RNF38: variants seen among roughly 807,000 people sequenced by gnomAD.
The protein encoded by RNF38 is E3 ubiquitin-protein ligase RNF38.
A neutral mutation model predicts 67.2 loss-of-function variants in RNF38; 15 were observed. The observed-to-expected ratio is 0.22, with a 90% CI of 0.15 to 0.34. The LOEUF is 0.34. Ranked by LOEUF, RNF38 falls within the 10% of genes least tolerant of loss-of-function variation. RNF38 has a pLI of 1.00. For missense variants in RNF38, 524 were observed against 639.9 expected (o/e 0.82, Z 1.95); for synonymous variants, 220 against 218.8 (o/e 1.01, Z -0.05).
chr9:36,416,746 T>TTTTTTTG, intron 2 of RNF38, among the ~76,000 whole-genome samples: 1 of 117,244 alleles, frequency 8.5e-6, no homozygotes, highest in African/African-American at 3.7e-5. Flanking sequence ...CTCGATATTT[T>TTTTTTTG]TTTTTTTTTT....
Position 36,376,004 on chromosome 9 carries a change from G to T in RNF38, c.286C>A (p.Pro96Thr). The change falls in exon 3 of 12, where the codon CCT (proline) becomes ACT (threonine). Residue 96 changes from proline to threonine, a missense_variant. Coordinates refer to ENST00000259605, the MANE Select transcript of RNF38 (RefSeq NM_022781.5). Reference protein sequence around the residue: ...PWEMTSNRQPPSVRPSQHHFS... With the variant: ...PWEMTSNRQPTSVRPSQHHFS... Reference sequence around the variant, plus strand: ...TGATGTTGGCTTGGTCGAACTGAAGGGGGCTGCCTATTTGATGTCATCTCC... The same window carrying T: ...TGATGTTGGCTTGGTCGAACTGAAGTGGGCTGCCTATTTGATGTCATCTCC... 4 of 1,613,340 alleles carry T rather than the reference G, an allele frequency of 2.5e-6. No individual in the cohort carries two copies. Among genetic ancestry groups the T allele is most frequent in the Non-Finnish European group, 3.4e-6 (4 of 1,179,736 alleles).
At chr9:36,342,475 T>G in intron 10 of RNF38, 51 bp from the exon 11 acceptor site, 1 of 1,116,374 alleles carries the variant, frequency 9.0e-7, no homozygotes, top group Non-Finnish European at 1.4e-6. Context: ...GGTTTTCTAT[T>G]GTTATGACTA....
At chr9:36,438,888 C>A (rs1389267408) in intron 1 of RNF38, among the ~76,000 whole-genome samples, 2 of 152,232 alleles carry the variant, frequency 1.3e-5, no homozygotes, top group African/African-American at 4.8e-5. Context: ...TATTTTACAA[C>A]ATGGACATGA....
intron 1 of RNF38, among the ~76,000 whole-genome samples, chr9:36,427,695 CTATCTAT>C (rs1255784546): frequency 8.9e-5 from 13 of 146,424 alleles, no homozygotes; most frequent in South Asian, 2.1e-4. Flanking sequence ...ATCTATCTAT[CTATCTAT>C]CTACCTACCT....
intron 1 of RNF38, among the ~76,000 whole-genome samples, chr9:36,450,928 T>A (rs1389492316): frequency 6.6e-6 from 1 of 152,030 alleles, no homozygotes; most frequent in Non-Finnish European, 1.5e-5. Flanking sequence ...ATCACAAAAG[T>A]GAGATAACCA....
chr9:36,339,489 A>T lies in RNF38; in HGVS notation c.*263T>A, dbSNP rs1832687770. The T allele has an allele frequency of 2.3e-6, 1 of 431,958 alleles. No homozygotes were observed. The highest frequency in any genetic ancestry group is 2.0e-5 in the African/African-American group (1 of 51,154). The allele number at this position is 431,958 out of a possible 1,614,324, so 26.8% of individuals were successfully genotyped here. A position where few individuals can be genotyped will look rare whatever the true frequency, so the allele number is the denominator to read the frequency against. Reference sequence around the variant, plus strand: ...CAACACTCGGAATGATCACACAAAAACCAGGGAATGTTAGTGCACACACAA... The same window carrying T: ...CAACACTCGGAATGATCACACAAAATCCAGGGAATGTTAGTGCACACACAA... On this transcript the variant is annotated 3_prime_UTR_variant, in exon 12 of 12. Transcript: ENST00000259605.
In RNF38 at chr9:36,376,168, T is replaced by A. The variant is rs1835771408; in HGVS notation, c.163-41A>T. 6 of 1,461,154 alleles carry A rather than the reference T, an allele frequency of 4.1e-6. No individual in the cohort carries two copies. In the East Asian group the frequency reaches 1.2e-4, roughly 30 times the overall value. 90.5% of individuals were successfully genotyped at this position (1,461,154 alleles called of 1,614,324 possible). On this transcript the variant is annotated intron_variant, in intron 2 of 11. Transcript: ENST00000259605. ...AATGGATCAACTGAGTAAGATCTTT[T>A]AAAGATTTCACATTACTGCATATGC...
intron 1 of RNF38, among the ~76,000 whole-genome samples, chr9:36,452,242 T>C (rs1839469020): frequency 6.6e-6 from 1 of 152,104 alleles, no homozygotes; most frequent in Non-Finnish European, 1.5e-5. Flanking sequence ...AACTTTAAAA[T>C]GTTCTTAAAG....
At chr9:36,365,204 T>C (rs1420406170) in intron 4 of RNF38, among the ~76,000 whole-genome samples, 1 of 139,404 alleles carries the variant, frequency 7.2e-6, no homozygotes, top group Non-Finnish European at 1.5e-5. Flanking sequence ...AATTCTATTA[T>C]GTGCCGCTTT....
intron 1 of RNF38, among the ~76,000 whole-genome samples, chr9:36,395,851 G>A (rs1244036232): frequency 6.6e-6 from 1 of 152,164 alleles, no homozygotes. Context: ...ACACTTGCTT[G>A]AACTATGCAG....
chr9:36,374,340 C>T (rs574364275), intron 3 of RNF38, among the ~76,000 whole-genome samples: 1 of 152,296 alleles, frequency 6.6e-6, no homozygotes, highest in East Asian at 1.9e-4. Context: ...TAAACAGATA[C>T]TTAATTTCTC....
At chr9:36,352,612 C>T in intron 8 of RNF38, 130 bp downstream of exon 8, 1 of 737,678 alleles carries the variant, frequency 1.4e-6, no homozygotes, top group Non-Finnish European at 2.4e-6. Context: ...TCCTCCCACC[C>T]CACCCTTTAA....
intron 1 of RNF38, among the ~76,000 whole-genome samples, chr9:36,463,201 A>T (rs76393811): frequency 6.6e-6 from 1 of 152,158 alleles, no homozygotes; most frequent in Non-Finnish European, 1.5e-5. Flanking sequence ...TGTAAGCTTC[A>T]TAAGAGTAGA....
At chr9:36,359,859 C>T (rs766678296) in intron 4 of RNF38, among the ~76,000 whole-genome samples, 3 of 151,876 alleles carry the variant, frequency 2.0e-5, no homozygotes, top group African/African-American at 4.8e-5. Flanking sequence ...AATTCTCCTA[C>T]CTTAGCCCCG....
chr9:36,393,457 A>G (rs1161383501), intron 1 of RNF38, among the ~76,000 whole-genome samples: 1 of 131,402 alleles, frequency 7.6e-6, no homozygotes, highest in East Asian at 2.3e-4. Context: ...TACTAGGTAA[A>G]ATAAAATCAC....
At chr9:36,385,464 C>T (rs1157082443) in intron 2 of RNF38, among the ~76,000 whole-genome samples, 6 of 151,836 alleles carry the variant, frequency 4.0e-5, no homozygotes, top group Non-Finnish European at 7.4e-5. Context: ...CAGTAACCTC[C>T]GCCTCCCGGA....
intron 8 of RNF38, 130 bp from the exon 9 acceptor site, chr9:36,351,329 CA>C: frequency 1.7e-6 from 1 of 596,738 alleles, no homozygotes; most frequent in Non-Finnish European, 2.9e-6. Flanking sequence ...TTTAACAAAA[CA>C]TATGCAAGAA....
chr9:36,439,902 T>C (rs535567659), intron 1 of RNF38, among the ~76,000 whole-genome samples: 1 of 152,182 alleles, frequency 6.6e-6, no homozygotes, highest in Non-Finnish European at 1.5e-5. Flanking sequence ...GAACATTTTA[T>C]TGGTATCCAT....
intron 1 of RNF38, among the ~76,000 whole-genome samples, chr9:36,435,907 G>T (rs1839054781): frequency 6.6e-6 from 1 of 152,170 alleles, no homozygotes; most frequent in Admixed American, 6.5e-5. Flanking sequence ...GGGATTACAG[G>T]CGTGAGCCAC....
Sources: gnomAD v4.1 joint callset for allele counts (sites outside exome capture counted in the v4.1 genomes callset) on GRCh38, gnomAD v4.1.1 for gene constraint, MANE v1.5 for transcripts, NCBI Gene and HGNC (gene_info 2026-07-23, HGNC 2026-07-21) for gene names.